IQCJ: variants seen among roughly 807,000 people sequenced by gnomAD.
IQCJ encodes IQ domain-containing protein J.
In IQCJ, 9 loss-of-function variants were observed where a neutral mutation model predicts 11.0. The ratio of observed to expected loss-of-function variants is 0.82; its 90% CI spans 0.49 to 1.43. The LOEUF (loss-of-function observed/expected upper bound fraction) is 1.43. Among genes scored for constraint, IQCJ ranks in the 40% most tolerant of loss-of-function variants. The pLI, the probability that IQCJ is intolerant of heterozygous loss-of-function variation, is 0.00. For synonymous variants in IQCJ, 55 were observed against 51.3 expected, an observed-to-expected ratio of 1.07 and a Z score of -0.31; for missense variants, 146 against 133.2, an observed-to-expected ratio of 1.10 and a Z score of -0.47.
intron 1 of IQCJ, among the ~76,000 whole-genome samples, chr3:159,076,461 C>T (rs941995362): frequency 9.9e-5 from 15 of 152,196 alleles, no homozygotes; most frequent in African/African-American, 3.4e-4. Context: ...AGGATGACCC[C>T]ATTTAAAACC....
At chr3:159,119,862 C>G (rs2108138242) in intron 1 of IQCJ, among the ~76,000 whole-genome samples, 1 of 152,272 alleles carries the variant, frequency 6.6e-6, no homozygotes, top group East Asian at 1.9e-4. Flanking sequence ...CAGAGAAGTA[C>G]TACCATCACC....
chr3:159,173,130 G>T (rs1722586563), intron 1 of IQCJ, among the ~76,000 whole-genome samples: 3 of 152,096 alleles, frequency 2.0e-5, no homozygotes, highest in Admixed American at 2.0e-4. Flanking sequence ...ACCCTCTTCA[G>T]CTTTGGCCAT....
At chr3:159,257,355 C>T (rs1577120661) in intron 3 of IQCJ, among the ~76,000 whole-genome samples, 2 of 152,294 alleles carry the variant, frequency 1.3e-5, no homozygotes, top group South Asian at 4.1e-4. Context: ...CCTTCTCAGT[C>T]CTCATAAAGA....
At chr3:159,147,385 T>G (rs1270554299) in intron 1 of IQCJ, among the ~76,000 whole-genome samples, 1 of 152,256 alleles carries the variant, frequency 6.6e-6, no homozygotes, top group Non-Finnish European at 1.5e-5. Flanking sequence ...CTCCTCTTCC[T>G]CATAACTTCT....
In IQCJ at chr3:159,255,506, G is replaced by A. The variant is rs993717480; in HGVS notation, c.155+2699G>A. Among the ~76,000 whole-genome samples, 26 of 152,300 alleles carry A rather than the reference G, an allele frequency of 1.7e-4. 1 individual carries two copies. Among genetic ancestry groups the A allele is most frequent in the African/African-American group, 4.8e-4 (20 of 41,556 alleles). On this transcript the variant is annotated intron_variant, in intron 3 of 3. Transcript: ENST00000397832. ...GATGGTTCCTCGTACTCAGGACATC[G>A]TGAAAAGGAAAGAATTTATAAGAAA...
chr3:159,076,446 T>A (rs1475430855), intron 1 of IQCJ, among the ~76,000 whole-genome samples: 1 of 152,138 alleles, frequency 6.6e-6, no homozygotes, highest in African/African-American at 2.4e-5. Context: ...TTCTGTTTGT[T>A]AGCAAGGATG....
At chr3:159,198,421 G>A (rs1201784272) in intron 1 of IQCJ, among the ~76,000 whole-genome samples, 2 of 152,134 alleles carry the variant, frequency 1.3e-5, no homozygotes, top group Admixed American at 1.3e-4. Flanking sequence ...TACTTCCTGA[G>A]TGTATTCTTC....
At chr3:159,258,513 C>T (rs1029837474) in intron 3 of IQCJ, among the ~76,000 whole-genome samples, 4 of 152,064 alleles carry the variant, frequency 2.6e-5, no homozygotes, top group Non-Finnish European at 5.9e-5. Flanking sequence ...AATCATGGTG[C>T]CTCCCTCACA....
intron 1 of IQCJ, among the ~76,000 whole-genome samples, chr3:159,208,225 T>C (rs906220766): frequency 1.3e-5 from 2 of 152,186 alleles, no homozygotes; most frequent in African/African-American, 4.8e-5. Flanking sequence ...ATCCTCAGAA[T>C]AACTGCACAA....
intron 3 of IQCJ, among the ~76,000 whole-genome samples, chr3:159,257,342 GCAC>G (rs1727952084): frequency 6.6e-6 from 1 of 152,142 alleles, no homozygotes; most frequent in African/African-American, 2.4e-5. Flanking sequence ...TATTTCTGAA[GCAC>G]CTTCTCAGTC....
intron 3 of IQCJ, among the ~76,000 whole-genome samples, chr3:159,253,635 A>ACC (rs1727730613): frequency 1.4e-5 from 2 of 146,294 alleles, no homozygotes; most frequent in African/African-American, 5.0e-5. Flanking sequence ...ACACACACAC[A>ACC]CTCACACACT....
chr3:159,158,057 T>C (rs1400291741), intron 1 of IQCJ, among the ~76,000 whole-genome samples: 1 of 152,238 alleles, frequency 6.6e-6, no homozygotes, highest in Non-Finnish European at 1.5e-5. Flanking sequence ...TTTTCAGAAG[T>C]AGAATTACTA....
chr3:159,203,384 G>A (rs1313785048), intron 1 of IQCJ, among the ~76,000 whole-genome samples: 1 of 151,218 alleles, frequency 6.6e-6, no homozygotes, highest in Non-Finnish European at 1.5e-5. Context: ...CAGTAATGGG[G>A]GCTGGATATT....
intron 1 of IQCJ, among the ~76,000 whole-genome samples, chr3:159,180,092 C>T (rs1238846804): frequency 6.6e-6 from 1 of 152,124 alleles, no homozygotes; most frequent in East Asian, 1.9e-4. Context: ...GTCGTGGGAC[C>T]TGAGGTGGGG....
intron 1 of IQCJ, chr3:159,069,799 G>A (rs756758402): frequency 2.1e-6 from 1 of 479,664 alleles, no homozygotes; most frequent in Non-Finnish European, 4.1e-6. Flanking sequence ...TCACACCCAT[G>A]CAAATGGTAT....
At chr3:159,200,031 T>C in intron 1 of IQCJ, among the ~76,000 whole-genome samples, 1 of 85,156 alleles carries the variant, frequency 1.2e-5, no homozygotes, top group East Asian at 3.3e-4. Context: ...AGTAAACGAC[T>C]ATATATATAT....
intron 3 of IQCJ, among the ~76,000 whole-genome samples, chr3:159,256,460 A>G (rs1367177326): frequency 6.6e-6 from 1 of 152,172 alleles, no homozygotes. Context: ...AGAGTAATAC[A>G]TTTCTACTTT....
chr3:159,225,201 T>C (rs1401572580), intron 1 of IQCJ, among the ~76,000 whole-genome samples: 1 of 152,168 alleles, frequency 6.6e-6, no homozygotes, highest in Non-Finnish European at 1.5e-5. Flanking sequence ...TACCATGGAA[T>C]ACAACTCAAC....
intron 1 of IQCJ, among the ~76,000 whole-genome samples, chr3:159,206,135 C>T (rs1724645745): frequency 6.6e-6 from 1 of 152,198 alleles, no homozygotes; most frequent in African/African-American, 2.4e-5. Flanking sequence ...AATCTTTCTT[C>T]TTCAATTATT....
Sources: gnomAD v4.1 joint callset for allele counts (sites outside exome capture counted in the v4.1 genomes callset) on GRCh38, gnomAD v4.1.1 for gene constraint, MANE v1.5 for transcripts, NCBI Gene and HGNC (gene_info 2026-07-23, HGNC 2026-07-21) for gene names.